Variants in C2orf66 observed in about 807,000 individuals in gnomAD.
The protein encoded by C2orf66 is uncharacterized protein C2orf66.
In C2orf66, 6 loss-of-function variants were observed where a neutral mutation model predicts 7.0. The ratio of observed to expected loss-of-function variants is 0.86; its 90% CI spans 0.47 to 1.69. The LOEUF is 1.69. Ranked by LOEUF, C2orf66 falls within the 40% of genes most tolerant of loss-of-function variation. The probability of loss-of-function intolerance (pLI) is 0.01; values close to 1 mark genes in which losing one functional copy is unlikely to be tolerated. For missense variants in C2orf66, 107 were observed against 112.0 expected, an observed-to-expected ratio of 0.96 and a Z score of 0.20; for synonymous variants, 38 against 43.8, an observed-to-expected ratio of 0.87 and a Z score of 0.52.
At chr2:196,813,080 C>G (rs1699891386), upstream of C2orf66, among the ~76,000 whole-genome samples, 1 of 152,080 alleles carries the variant, frequency 6.6e-6, no homozygotes, top group South Asian at 2.1e-4. Context: ...GAAACAACTA[C>G]TGTAAATTTC....
chr2:196,806,989 A>G (rs1277084576), intron 2 of C2orf66, among the ~76,000 whole-genome samples: 1 of 152,218 alleles, frequency 6.6e-6, no homozygotes, highest in African/African-American at 2.4e-5. Context: ...AAATATATGC[A>G]TAATACTTTA....
chr2:196,809,117 C>G (rs1699846017), intron 1 of C2orf66, 97 bp downstream of exon 1: 1 of 1,280,180 alleles, frequency 7.8e-7, no homozygotes, highest in African/African-American at 1.5e-5. Flanking sequence ...CTTGGTAGCC[C>G]CCTTTCCACT....
chr2:196,809,235 G>T lies in C2orf66; in HGVS notation c.102C>A (p.Asn34Lys), dbSNP rs1440020887. 1 of 1,614,082 alleles carries T rather than the reference G, an allele frequency of 6.2e-7. No individual in the cohort carries two copies. The highest frequency in any genetic ancestry group is 1.1e-5 in the South Asian group (1 of 91,054). The change falls in exon 1 of 3, where the codon AAC becomes AAA. Residue 34 changes from asparagine to lysine, a missense_variant. Coordinates refer to ENST00000342506, the MANE Select transcript of C2orf66 (RefSeq NM_213608.3). ...VRNEDKWKPL[N>K]NPRNRDLFFR... ...TTACCAGATCTCTGTTTCTGGGGTT[G>T]TTGAGTGGCTTCCATTTGTCCTCAT...
At chr2:196,816,522 T>C in the C2orf66 span, among the ~76,000 whole-genome samples, 1 of 152,122 alleles carries the variant, frequency 6.6e-6, no homozygotes, top group African/African-American at 2.4e-5. Flanking sequence ...ATGGCAGTAA[T>C]AGAAACTGGG....
chr2:196,812,222 G>T (rs904656971), upstream of C2orf66, among the ~76,000 whole-genome samples: 8 of 152,048 alleles, frequency 5.3e-5, no homozygotes, highest in African/African-American at 1.9e-4. Context: ...AAAACCCCAG[G>T]ACTTTAAAGT....
the C2orf66 span, among the ~76,000 whole-genome samples, chr2:196,816,864 T>C: frequency 6.6e-6 from 1 of 152,230 alleles, no homozygotes; most frequent in African/African-American, 2.4e-5. Context: ...GGGTTCTTTC[T>C]ATTTTGCATA....
chr2:196,822,595 T>C, the C2orf66 span, among the ~76,000 whole-genome samples: 1 of 152,224 alleles, frequency 6.6e-6, no homozygotes, highest in Non-Finnish European at 1.5e-5. Context: ...TCCTTTATTG[T>C]ACATAAAGTA....
the C2orf66 span, among the ~76,000 whole-genome samples, chr2:196,823,858 G>C: frequency 6.6e-6 from 1 of 152,060 alleles, no homozygotes; most frequent in East Asian, 1.9e-4. Flanking sequence ...TACAATTTAT[G>C]AATGAAGACA....
At chr2:196,828,247 C>CAT in the C2orf66 span, among the ~76,000 whole-genome samples, 1 of 150,650 alleles carries the variant, frequency 6.6e-6, no homozygotes, top group Non-Finnish European at 1.5e-5. Context: ...CACACACACA[C>CAT]ACACACACAC....
At chr2:196,807,179 T>C (rs1341818042) in intron 2 of C2orf66, among the ~76,000 whole-genome samples, 1 of 152,224 alleles carries the variant, frequency 6.6e-6, no homozygotes, top group Non-Finnish European at 1.5e-5. Flanking sequence ...ATAATTCTAT[T>C]ATTTTAATAT....
upstream of C2orf66, among the ~76,000 whole-genome samples, chr2:196,813,855 A>C (rs1559313044): frequency 6.6e-6 from 1 of 152,244 alleles, no homozygotes; most frequent in Non-Finnish European, 1.5e-5. Flanking sequence ...AGAAATGCAA[A>C]TCAAAACCAC....
At chr2:196,818,292 G>C in the C2orf66 span, among the ~76,000 whole-genome samples, 1 of 152,170 alleles carries the variant, frequency 6.6e-6, no homozygotes, top group Non-Finnish European at 1.5e-5. Flanking sequence ...TGAACCCATA[G>C]AGAAAGGAGG....
Position 196,807,363 on chromosome 2 carries a change from T to C in C2orf66, c.*19+61A>G. 2.1e-6 allele frequency: 2 copies of C among 962,636 alleles called. 1 individual carries two copies. Among genetic ancestry groups the C allele is most frequent in the South Asian group, 3.2e-5 (2 of 61,864 alleles). 59.6% of individuals were successfully genotyped at this position (962,636 alleles called of 1,614,324 possible). A position where few individuals can be genotyped will look rare whatever the true frequency, so the allele number is the denominator to read the frequency against. ...TGTTTTCAAATAAATACTTTCAAAA[T>C]ATCTACTTTATGGCTGACTTGTATG... On this transcript the variant is annotated intron_variant, in intron 2 of 2. Transcript: ENST00000342506.
In C2orf66 at chr2:196,805,281, G is replaced by A. The variant is rs1043463070; in HGVS notation, c.*147C>T. 1.3e-5 allele frequency: 2 copies of A among 152,052 alleles called. No homozygotes were observed. The highest frequency in any genetic ancestry group is 4.2e-4 in the South Asian group (2 of 4,812). 9.4% of individuals were successfully genotyped at this position (152,052 alleles called of 1,614,324 possible). ...GATTTATATGTAAATATGGAAATGT[G>A]GAATAAAATCATTACAAACTGAAAA... On this transcript the variant is annotated 3_prime_UTR_variant, in exon 3 of 3. Transcript: ENST00000342506.
chr2:196,806,069 C>T (rs1296619899), intron 2 of C2orf66, among the ~76,000 whole-genome samples: 1 of 152,152 alleles, frequency 6.6e-6, no homozygotes, highest in African/African-American at 2.4e-5. Flanking sequence ...CATGCTTCCT[C>T]AGAATTTCAA....
chr2:196,821,772 C>T, the C2orf66 span, among the ~76,000 whole-genome samples: 208 of 151,642 alleles, frequency 1.4e-3, no homozygotes, highest in African/African-American at 4.8e-3. Context: ...TTTCCAGGTA[C>T]ATATTTTGTA....
upstream of C2orf66, among the ~76,000 whole-genome samples, chr2:196,812,177 T>C (rs1467051122): frequency 2.6e-5 from 4 of 152,198 alleles, no homozygotes; most frequent in African/African-American, 4.8e-5. Context: ...GGTGAGTAAA[T>C]GAATACCCTG....
chr2:196,807,587 T>A lies in C2orf66; in HGVS notation c.159A>T (p.Arg53Ser). 1 of 1,613,332 alleles carries A rather than the reference T, an allele frequency of 6.2e-7. No individual in the cohort carries two copies. Among genetic ancestry groups the A allele is most frequent in the South Asian group, 1.1e-5 (1 of 90,834 alleles). ...FRRLQAYFKG[R>S]GLDLGTFPNP... ...TTGGAAATGTTCCAAGATCAAGACC[T>A]CTGCCCTTAAAATATGCCTGAAGCC... Residue 53 changes from arginine (R) to serine (S), a missense_variant, in exon 2 of 3, where the codon AGA (arginine) becomes AGT (serine). By Grantham distance (110) the Arg-to-Ser change is moderately radical. Transcript: ENST00000342506.
At chr2:196,831,316 C>G in the C2orf66 span, among the ~76,000 whole-genome samples, 1 of 152,166 alleles carries the variant, frequency 6.6e-6, no homozygotes, top group Non-Finnish European at 1.5e-5. Context: ...AAAGGCCCAA[C>G]CACCAAGGCA....
Sources: gnomAD v4.1 joint callset for allele counts (sites outside exome capture counted in the v4.1 genomes callset) on GRCh38, gnomAD v4.1.1 for gene constraint, MANE v1.5 for transcripts, NCBI Gene and HGNC (gene_info 2026-07-23, HGNC 2026-07-21) for gene names.